Variants in DTYMK observed in about 807,000 individuals in gnomAD.
DTYMK encodes the protein thymidylate kinase.
In DTYMK, 20 loss-of-function variants were observed where a neutral mutation model predicts 20.3. That is an observed-to-expected ratio of 0.99 (90% CI 0.69 to 1.43). The LOEUF (loss-of-function observed/expected upper bound fraction) is 1.43. Ranked by LOEUF, DTYMK falls within the 40% of genes most tolerant of loss-of-function variation. The pLI is 0.00. For missense variants in DTYMK, 320 were observed against 291.1 expected, an observed-to-expected ratio of 1.10 and a Z score of -0.72; for synonymous variants, 148 against 124.4, an observed-to-expected ratio of 1.19 and a Z score of -1.27.
In DTYMK at chr2:241,677,158, C is replaced by T. The variant is rs570883831; in HGVS notation, c.529-921G>A. ...CCGGACCCTTCTCAAGCTTCTGGGA[C>T]AGCAAATTCTAGAAAATCTGCCAGG... On this transcript the variant is annotated intron_variant, in intron 4 of 4. Coordinates refer to ENST00000305784, the MANE Select transcript of DTYMK (RefSeq NM_012145.4). 1.0e-3 allele frequency among the ~76,000 whole-genome samples: 157 copies of T among 152,336 alleles called. 1 individual carries two copies. In the Middle Eastern group the frequency reaches 0.027, roughly 26 times the overall value.
intron 2 of DTYMK, among the ~76,000 whole-genome samples, chr2:241,681,631 T>C (rs1459489893): frequency 1.3e-5 from 2 of 152,240 alleles, no homozygotes; most frequent in Non-Finnish European, 2.9e-5. Flanking sequence ...TTAGATCACC[T>C]GGGGTTTGGC....
rs1193137020 is a variant in DTYMK at position 241,680,285 on chromosome 2, T to G, written c.274A>C (p.Thr92Pro). 1 of 1,614,144 alleles carries G rather than the reference T, an allele frequency of 6.2e-7. No individual in the cohort carries two copies. The change falls in exon 3 of 5, where the codon ACC becomes CCC. Residue 92 changes from threonine (T) to proline (P), a missense_variant. Physicochemically the swap from Thr to Pro is conservative, Grantham distance 38. Transcript: ENST00000305784. The stretch of plus-strand genomic sequence containing the variant: ...AATGCGTATCTGTCCACGACGAGGG[T>G]CACGCCCTGGCTCAACTTTTCCTTA... ...LIKEKLSQGVTLVVDRYAFSG... is the reference protein window; with the variant it reads ...LIKEKLSQGVPLVVDRYAFSG...
intron 2 of DTYMK, 116 bp from the exon 3 acceptor site, chr2:241,680,435 G>A: frequency 2.8e-6 from 3 of 1,060,280 alleles, no homozygotes; most frequent in South Asian, 1.4e-5. Context: ...CCAGCGCTTT[G>A]GGAGGCTGAG....
chr2:241,681,605 TA>T (rs1188393412), intron 2 of DTYMK, among the ~76,000 whole-genome samples: 2 of 152,186 alleles, frequency 1.3e-5, no homozygotes, highest in Non-Finnish European at 2.9e-5. Context: ...TCCTAGACAG[TA>T]ACACAGGAGA....
At chr2:241,676,575 C>G (rs577860071) in intron 4 of DTYMK, among the ~76,000 whole-genome samples, 16 of 152,374 alleles carry the variant, frequency 1.1e-4, no homozygotes, top group African/African-American at 3.8e-4. Context: ...CCGGGATACC[C>G]CACACCTTTC....
chr2:241,685,749 C>A lies in DTYMK; in HGVS notation c.239+20G>T. The A allele has an allele frequency of 6.2e-7, 1 of 1,607,288 alleles. No homozygotes were observed. The highest frequency in any genetic ancestry group is 8.5e-7 in the Non-Finnish European group (1 of 1,173,966). On this transcript the variant is annotated intron_variant, in intron 2 of 4. Coordinates refer to ENST00000305784, the MANE Select transcript of DTYMK (RefSeq NM_012145.4). Reference sequence around the variant, plus strand: ...AGGAAAGTGGCAAGGGCAGAGGGAGCAGTGTGCAATGGTTTTTACACTTGT... The same window carrying A: ...AGGAAAGTGGCAAGGGCAGAGGGAGAAGTGTGCAATGGTTTTTACACTTGT...
chr2:241,682,946 A>T (rs2069299467), intron 2 of DTYMK: 1 of 156,130 alleles, frequency 6.4e-6, no homozygotes, highest in Non-Finnish European at 1.4e-5. Context: ...AAGAAATACA[A>T]AACTTAGCAT....
chr2:241,684,848 AAC>A (rs952177082), intron 2 of DTYMK: 7 of 425,262 alleles, frequency 1.6e-5, no homozygotes, highest in African/African-American at 1.5e-4. Flanking sequence ...AATGTAACAT[AAC>A]ACAGCACATA....
intron 2 of DTYMK, among the ~76,000 whole-genome samples, chr2:241,681,308 TCAATAAACG>T: frequency 1.3e-5 from 2 of 152,320 alleles, no homozygotes; most frequent in South Asian, 4.1e-4. Context: ...GGCATTTTCC[TCAATAAACG>T]CTGCTGGAAC....
At chr2:241,677,751 G>A (rs1358691736) in intron 4 of DTYMK, among the ~76,000 whole-genome samples, 2 of 152,224 alleles carry the variant, frequency 1.3e-5, no homozygotes, top group Admixed American at 6.5e-5. Flanking sequence ...ATTGAAGGAG[G>A]CAGGACTGAA....
chr2:241,677,187 G>A (rs867673198), intron 4 of DTYMK, among the ~76,000 whole-genome samples: 12 of 152,306 alleles, frequency 7.9e-5, no homozygotes, highest in Non-Finnish European at 1.2e-4. Flanking sequence ...TGCCAGGGGC[G>A]TAGAAGGCAC....
In DTYMK at chr2:241,676,176, T is replaced by A; in HGVS notation, c.590A>T (p.Asp197Val). ...CTTCTCTGTGGCAGTGCGGATGGCG[T>A]CCTCAGAGAGCACGCGGATGTCCTC... ...VHEDIRVLSE[D>V]AIRTATEKPL... The change falls in exon 5 of 5, where the codon GAC (aspartate) becomes GTC (valine). Residue 197 changes from aspartate (D) to valine (V), a missense_variant. Coordinates refer to ENST00000305784, the MANE Select transcript of DTYMK (RefSeq NM_012145.4). 1 of 1,613,104 alleles carries A rather than the reference T, an allele frequency of 6.2e-7. No homozygotes were observed. The highest frequency in any genetic ancestry group is 8.5e-7 in the Non-Finnish European group (1 of 1,179,726).
chr2:241,678,780 C>T (rs537325805), intron 3 of DTYMK, 131 bp from the exon 4 acceptor site: 20 of 1,061,206 alleles, frequency 1.9e-5, no homozygotes, highest in Non-Finnish European at 2.0e-5. Context: ...TATTGTGGCT[C>T]GTTTAATTTT....
chr2:241,682,457 T>C, intron 2 of DTYMK: 1 of 278,462 alleles, frequency 3.6e-6, no homozygotes, highest in Non-Finnish European at 7.1e-6. Flanking sequence ...AAAGAATTCT[T>C]AAAACTCAAA....
intron 4 of DTYMK, 145 bp downstream of exon 4, chr2:241,678,307 C>T: frequency 8.6e-7 from 1 of 1,167,172 alleles, no homozygotes; most frequent in South Asian, 1.5e-5. Context: ...ACCGAGAACC[C>T]CTGAACGACT....
At chr2:241,679,485 G>T (rs146902451) in intron 3 of DTYMK, among the ~76,000 whole-genome samples, 29 of 152,342 alleles carry the variant, frequency 1.9e-4, no homozygotes, top group African/African-American at 5.8e-4. Context: ...AAGTGAGGGC[G>T]TGGCCGGGCA....
chr2:241,680,143 G>C (rs144303868), intron 3 of DTYMK, 86 bp downstream of exon 3: 39,287 of 1,245,634 alleles, frequency 0.032, 796 homozygotes, highest in Non-Finnish European at 0.04. Context: ...AGAGTAATCT[G>C]AGGCATGTCA....
At chr2:241,679,636 A>C (rs544129676) in intron 3 of DTYMK, among the ~76,000 whole-genome samples, 1 of 152,110 alleles carries the variant, frequency 6.6e-6, no homozygotes, top group Non-Finnish European at 1.5e-5. Flanking sequence ...TCTTTCAAAA[A>C]ACGGGGGAAA....
chr2:241,683,536 G>C (rs2069313063), intron 2 of DTYMK, among the ~76,000 whole-genome samples: 1 of 152,146 alleles, frequency 6.6e-6, no homozygotes, highest in South Asian at 2.1e-4. Context: ...GGATACCCAT[G>C]GTTTAGCAGT....
Sources: allele counts gnomAD v4.1 joint callset (sites outside exome capture counted in the v4.1 genomes callset), GRCh38; gene constraint gnomAD v4.1.1; transcripts MANE v1.5; gene names NCBI Gene and HGNC (gene_info 2026-07-23, HGNC 2026-07-21).